The following VPS4B variants were observed in gnomAD, a reference collection of about 807,000 sequenced individuals.
VPS4B encodes the protein vacuolar protein sorting-associated protein 4B.
A neutral mutation model predicts 56.1 loss-of-function variants in VPS4B; 23 were observed. The ratio of observed to expected loss-of-function variants is 0.41; its 90% CI spans 0.30 to 0.58. The LOEUF (loss-of-function observed/expected upper bound fraction) is 0.58. Among genes scored for constraint, VPS4B ranks in the 20% least tolerant of loss-of-function variants. The pLI is 0.29. For missense variants in VPS4B, 372 were observed against 531.9 expected, an observed-to-expected ratio of 0.70 and a Z score of 2.96; for synonymous variants, 177 against 186.0, an observed-to-expected ratio of 0.95 and a Z score of 0.39.
intron 1 of VPS4B, among the ~76,000 whole-genome samples, chr18:63,418,171 C>T (rs180770038): frequency 0.027 from 4,096 of 152,256 alleles, 176 homozygotes; most frequent in African/African-American, 0.093. Flanking sequence ...CTCCTCAGCT[C>T]CTCGGTTCTC....
At position 63,397,138 on chromosome 18, in the gene VPS4B, C is replaced by G; in HGVS notation, c.988G>C (p.Gly330Arg). 1 of 1,614,190 alleles carries G rather than the reference C, an allele frequency of 6.2e-7. No individual in the cohort carries two copies. The highest frequency in any genetic ancestry group is 8.5e-7 in the Non-Finnish European group (1 of 1,180,046). ...SLTEADFREL[G>R]RKTDGYSGAD... ...CCTGAATAACCATCTGTTTTCCTCC[C>G]AAGTTCCCGAAAGTCTGCTTCCGTG... Residue 330 changes from glycine (G) to arginine (R), a missense_variant, in exon 9 of 11, where the codon GGG becomes CGG. Physicochemically the swap from Gly to Arg is moderately radical, Grantham distance 125 (BLOSUM62 -2). Transcript: ENST00000238497.
At position 63,410,313 on chromosome 18, in the gene VPS4B, C is replaced by T. The variant is rs1916009248; in HGVS notation, c.273G>A (p.Gln91=). Reference sequence around the variant, plus strand: ...ACCCCTTCTCATCTGCTGGACTCGGCTGTCCTTCTTTCACTGGCTTCTGTG... The same window carrying T: ...ACCCCTTCTCATCTGCTGGACTCGGTTGTCCTTCTTTCACTGGCTTCTGTG... ...KKAQKPVKEG[Q]PSPADEKGND... is the part of the protein sequence containing the mutation. The change falls in exon 3 of 11, where the codon CAG becomes CAA. Residue 91 remains glutamine, a synonymous_variant. Transcript: ENST00000238497. 1 of 1,614,044 alleles carries T rather than the reference C, an allele frequency of 6.2e-7. No individual in the cohort carries two copies. The highest frequency in any genetic ancestry group is 8.5e-7 in the Non-Finnish European group (1 of 1,180,024).
intron 1 of VPS4B, among the ~76,000 whole-genome samples, chr18:63,413,795 GGATAT>G (rs1001321878): frequency 1.4e-4 from 21 of 152,250 alleles, no homozygotes; most frequent in Middle Eastern, 3.4e-3. Context: ...AGCATGGATT[GGATAT>G]AACTGGGCTG....
intron 1 of VPS4B, among the ~76,000 whole-genome samples, chr18:63,421,608 G>C (rs1916303695): frequency 6.6e-6 from 1 of 152,188 alleles, no homozygotes; most frequent in African/African-American, 2.4e-5. Flanking sequence ...AAAATCTTAA[G>C]ATTCCATGAT....
In VPS4B at chr18:63,401,366, C is replaced by T. The variant is rs146799474; in HGVS notation, c.485-663G>A. On this transcript the variant is annotated intron_variant, in intron 5 of 10. Transcript: ENST00000238497. ...GCCTCCTGGTTTCAAGCAATTCTCC[C>T]GCCTCAGCCTCCCAGGTAGCTGAGA... Among the ~76,000 whole-genome samples the T allele has an allele frequency of 2.6e-3, 392 of 152,158 alleles. 3 individuals carry two copies. Among genetic ancestry groups the T allele is most frequent in the African/African-American group, 9.1e-3 (376 of 41,520 alleles).
In VPS4B at chr18:63,402,057, A is replaced by G. The variant is rs149156419; in HGVS notation, c.485-1354T>C. Reference sequence around the variant, plus strand: ...CTAGGTGCAAACTATGGATGTGTACACAGTATCTGCAAAAGAATGATATGC... The same window carrying G: ...CTAGGTGCAAACTATGGATGTGTACGCAGTATCTGCAAAAGAATGATATGC... On this transcript the variant is annotated intron_variant, in intron 5 of 10. Coordinates refer to ENST00000238497, the MANE Select transcript of VPS4B (RefSeq NM_004869.4). Among the ~76,000 whole-genome samples, 224 of 152,308 alleles carry G rather than the reference A, an allele frequency of 1.5e-3. 1 individual carries two copies. Among genetic ancestry groups the G allele is most frequent in the African/African-American group, 5.1e-3 (211 of 41,576 alleles).
rs202058899 is a variant in VPS4B, at chr18:63,403,813, T to C, written c.378A>G (p.Ile126Met). ...LQNQLQGAIV[I>M]ERPNVKWSDV... is the part of the protein sequence containing the mutation. Reference sequence around the variant, plus strand: ...CACTCCATTTCACATTTGGTCGTTCTATAACAATGGCACCTGCAAAAAATT... The same window carrying C: ...CACTCCATTTCACATTTGGTCGTTCCATAACAATGGCACCTGCAAAAAATT... The change falls in exon 5 of 11, where the codon ATA becomes ATG. Residue 126 changes from isoleucine to methionine, a missense_variant. Physicochemically the swap from Ile to Met is conservative, Grantham distance 10 (BLOSUM62 1). Transcript: ENST00000238497. The C allele has an allele frequency of 3.4e-4, 546 of 1,607,302 alleles. No individual in the cohort carries two copies. The highest frequency in any genetic ancestry group is 2.6e-4 in the Non-Finnish European group (304 of 1,177,538).
At chr18:63,404,787 T>G (rs1193455669) in intron 4 of VPS4B, 1 of 152,200 alleles carries the variant, frequency 6.6e-6, no homozygotes, top group African/African-American at 2.4e-5. Context: ...TGATTGTTTC[T>G]TCTTGTTAGG....
At chr18:63,401,015 T>C (rs745376259) in intron 5 of VPS4B, among the ~76,000 whole-genome samples, 5 of 152,226 alleles carry the variant, frequency 3.3e-5, no homozygotes, top group Non-Finnish European at 5.9e-5. Flanking sequence ...TGGAGTCTAG[T>C]AGGGGAAAAG....
intron 1 of VPS4B, among the ~76,000 whole-genome samples, chr18:63,418,153 C>T (rs1916209526): frequency 6.6e-6 from 1 of 152,142 alleles, no homozygotes; most frequent in African/African-American, 2.4e-5. Flanking sequence ...ACAAACTACA[C>T]ACCATCACTC....
intron 9 of VPS4B, among the ~76,000 whole-genome samples, chr18:63,395,839 G>A (rs934271177): frequency 6.6e-6 from 1 of 152,214 alleles, no homozygotes; most frequent in African/African-American, 2.4e-5. Context: ...GAACACAGGA[G>A]GGGCAGGATA....
rs760695024 is a variant in VPS4B at position 63,422,216 on chromosome 18, G to T, written c.27+17C>A. The T allele has an allele frequency of 2.7e-6, 4 of 1,507,704 alleles. No individual in the cohort carries two copies. Among genetic ancestry groups the T allele is most frequent in the South Asian group, 1.3e-5 (1 of 78,668 alleles). 93.4% of individuals were successfully genotyped at this position (1,507,704 alleles called of 1,614,324 possible). ...CGATCCCAGCTCCCTAGGGGGACGG[G>T]AGATGAGCAATGATACCTGGAGGTT... On this transcript the variant is annotated intron_variant, in intron 1 of 10. Coordinates refer to ENST00000238497, the MANE Select transcript of VPS4B (RefSeq NM_004869.4).
chr18:63,414,224 C>CA (rs1916112602), intron 1 of VPS4B, among the ~76,000 whole-genome samples: 2 of 151,574 alleles, frequency 1.3e-5, no homozygotes, highest in South Asian at 2.1e-4. Flanking sequence ...TCTAAAAATA[C>CA]AAAAAATATT....
At chr18:63,417,209 C>T (rs1346879578) in intron 1 of VPS4B, among the ~76,000 whole-genome samples, 1 of 152,130 alleles carries the variant, frequency 6.6e-6, no homozygotes, top group Non-Finnish European at 1.5e-5. Flanking sequence ...ACAAACAGCC[C>T]TCCTTTAAAA....
At position 63,393,502 on chromosome 18, in the gene VPS4B, C is replaced by G; in HGVS notation, c.1140G>C (p.Leu380=). 6.2e-7 allele frequency: 1 copy of G among 1,612,382 alleles called. No homozygotes were observed. Among genetic ancestry groups the G allele is most frequent in the African/African-American group, 1.3e-5 (1 of 74,970 alleles). Reference sequence around the variant, plus strand: ...GGTCACCTGGAGAGCAAGGTGTTAGCAGATCATCTACAAGATGGTTAGGAT... The same window carrying G: ...GGTCACCTGGAGAGCAAGGTGTTAGGAGATCATCTACAAGATGGTTAGGAT... ...RADPNHLVDD[L]LTPCSPGDPG... Residue 380 remains leucine (L), a synonymous_variant, in exon 10 of 11, where the codon CTG becomes CTC. Coordinates refer to ENST00000238497, the MANE Select transcript of VPS4B (RefSeq NM_004869.4).
chr18:63,398,724 A>AC (rs1915740474), intron 8 of VPS4B, among the ~76,000 whole-genome samples: 2 of 151,578 alleles, frequency 1.3e-5, no homozygotes, highest in Admixed American at 6.6e-5. Context: ...AGTCCCAGCT[A>AC]CTTGGGAGGC....
intron 1 of VPS4B, among the ~76,000 whole-genome samples, chr18:63,419,122 A>T (rs1916233813): frequency 6.6e-6 from 1 of 151,976 alleles, no homozygotes; most frequent in South Asian, 2.1e-4. Context: ...CTCCTCCCTC[A>T]CTTTTAAAAT....
intron 1 of VPS4B, 87 bp downstream of exon 1, chr18:63,422,146 T>C: frequency 1.5e-6 from 2 of 1,350,148 alleles, no homozygotes; most frequent in Non-Finnish European, 1.9e-6. Context: ...GCGCGGCCGC[T>C]TCCTCCCTTC....
rs566352475 is a variant in VPS4B, at chr18:63,403,591, AAC to A, written c.484+114_484+115del. On this transcript the variant is annotated intron_variant, in intron 5 of 10. Coordinates refer to ENST00000238497, the MANE Select transcript of VPS4B (RefSeq NM_004869.4). The stretch of plus-strand genomic sequence containing the variant: ...GTATAAAGATATATCACCACCTTTT[AAC>A]AGTCACAATTTATTTAAGATAATTC... 551 of 1,138,500 alleles carry A rather than the reference AAC, an allele frequency of 4.8e-4. 5 individuals are homozygous for A. In the South Asian group the frequency reaches 9.0e-3, roughly 19 times the overall value. The allele number at this position is 1,138,500 out of a possible 1,614,324, so 70.5% of individuals were successfully genotyped here.
Sources: gnomAD v4.1 joint callset for allele counts (sites outside exome capture counted in the v4.1 genomes callset) on GRCh38, gnomAD v4.1.1 for gene constraint, MANE v1.5 for transcripts, NCBI Gene and HGNC (gene_info 2026-07-23, HGNC 2026-07-21) for gene names.